Variants in DERA observed in about 807,000 individuals in gnomAD.
DERA encodes 2-deoxy-D-ribose 5-phosphate aldolase.
Under a neutral mutation model 41.1 loss-of-function variants are expected in DERA, and 15 were observed. That is an observed-to-expected ratio of 0.37 (90% CI 0.24 to 0.56). The LOEUF (loss-of-function observed/expected upper bound fraction) is 0.56, where lower values mean the gene tolerates loss of function less well. Among genes scored for constraint, DERA ranks in the 20% least tolerant of loss-of-function variants. The pLI is 0.81. For synonymous variants in DERA, 139 were observed against 137.4 expected (o/e 1.01, Z -0.08); for missense variants, 396 against 403.4 (o/e 0.98, Z 0.16).
chr12:15,950,403 C>T (rs1948488573), intron 1 of DERA, among the ~76,000 whole-genome samples: 2 of 152,158 alleles, frequency 1.3e-5, no homozygotes, highest in Admixed American at 1.3e-4. Context: ...CCAGAGGTCA[C>T]TCTCATAGCC....
intron 1 of DERA, among the ~76,000 whole-genome samples, chr12:15,946,409 T>C (rs1592011574): frequency 6.6e-6 from 1 of 152,326 alleles, no homozygotes; most frequent in Non-Finnish European, 1.5e-5. Context: ...TTTCAGAGCC[T>C]GTTATTGGTC....
chr12:15,993,064 G>A lies in DERA; in HGVS notation c.637+10628G>A, dbSNP rs951281950. Among the ~76,000 whole-genome samples, 10 of 152,222 alleles carry A rather than the reference G, an allele frequency of 6.6e-5. No homozygotes were observed. In the East Asian group the frequency reaches 1.4e-3, roughly 21 times the overall value. On this transcript the variant is annotated intron_variant, in intron 6 of 8. Transcript: ENST00000428559. This position sits in a 1 kb window ranked among gnomAD's most constrained non-coding sequence, Gnocchi z 4.4. ...TTGAACTTGGCTGGAATTTTGCAACGTGTAGAAAATGAAACATGAAAAAGG... is the reference window on the plus strand; with the variant it reads ...TTGAACTTGGCTGGAATTTTGCAACATGTAGAAAATGAAACATGAAAAAGG...
chr12:16,025,037 C>G (rs920656773), intron 6 of DERA, among the ~76,000 whole-genome samples: 3 of 151,894 alleles, frequency 2.0e-5, no homozygotes, highest in Non-Finnish European at 2.9e-5. Context: ...ATATTGAAAA[C>G]TCTAGGGCAG....
intron 5 of DERA, among the ~76,000 whole-genome samples, chr12:15,977,383 C>CT (rs1169103281): frequency 1.7e-4 from 26 of 152,182 alleles, no homozygotes; most frequent in Non-Finnish European, 1.5e-5. Flanking sequence ...GACATGACTC[C>CT]TCCTCTCTGT....
At chr12:15,917,493 T>C (rs1401887092) in intron 1 of DERA, among the ~76,000 whole-genome samples, 1 of 152,206 alleles carries the variant, frequency 6.6e-6, no homozygotes, top group African/African-American at 2.4e-5. Flanking sequence ...TTTTCTAACA[T>C]AATCTCTTTT....
chr12:15,950,911 C>G (rs191669817), intron 1 of DERA, among the ~76,000 whole-genome samples: 1 of 152,282 alleles, frequency 6.6e-6, no homozygotes, highest in East Asian at 1.9e-4. Context: ...TTTGGATAGC[C>G]CTTTGATATT....
In DERA at chr12:15,996,158, T is replaced by TGG. The variant is rs1491199632; in HGVS notation, c.637+13723_637+13724insGG. On this transcript the variant is annotated intron_variant, in intron 6 of 8. Transcript: ENST00000428559. This position sits in a 1 kb window ranked among gnomAD's most constrained non-coding sequence, Gnocchi z 4.7. Reference sequence around the variant, plus strand: ...CAGACACAGACACACACACAGAGCATGTGTGTGTGTGTGTGTGTGTGTGTG... The same window carrying TGG: ...CAGACACAGACACACACACAGAGCATGGGTGTGTGTGTGTGTGTGTGTGTGTG... Among the ~76,000 whole-genome samples the TGG allele has an allele frequency of 4.7e-5, 1 of 21,180 alleles. No individual in the cohort carries two copies. Among genetic ancestry groups the TGG allele is most frequent in the Non-Finnish European group, 8.9e-5 (1 of 11,244 alleles). The allele number at this position is 21,180 out of a possible 152,430, so 13.9% of individuals were successfully genotyped here.
intron 1 of DERA, among the ~76,000 whole-genome samples, chr12:15,952,273 G>A (rs1948503991): frequency 6.6e-6 from 1 of 152,204 alleles, no homozygotes; most frequent in Non-Finnish European, 1.5e-5. Flanking sequence ...ACTGGACATG[G>A]ATCTTGGTGT....
At position 16,011,604 on chromosome 12, in the gene DERA, G is replaced by A. The variant is rs547006075; in HGVS notation, c.638-20938G>A. On this transcript the variant is annotated intron_variant, in intron 6 of 8. Coordinates refer to ENST00000428559, the MANE Select transcript of DERA (RefSeq NM_015954.4). The surrounding 1 kb of genome is among the most constrained non-coding windows in gnomAD (Gnocchi z 4.7). ...AAAGAAAAGAGAATGTGTTAGATAC[G>A]ATTTTGTCATTTTAACATGAGATGA... Among the ~76,000 whole-genome samples the A allele has an allele frequency of 2.6e-5, 4 of 152,222 alleles. No individual in the cohort carries two copies. Among genetic ancestry groups the A allele is most frequent in the East Asian group, 1.9e-4 (1 of 5,178 alleles).
Position 15,979,824 on chromosome 12 carries a change from G to T in DERA, c.509-2484G>T, listed in dbSNP as rs955022379. Among the ~76,000 whole-genome samples, 4 of 152,156 alleles carry T rather than the reference G, an allele frequency of 2.6e-5. 1 individual carries two copies. The highest frequency in any genetic ancestry group is 7.2e-5 in the African/African-American group (3 of 41,434). On this transcript the variant is annotated intron_variant, in intron 5 of 8. Coordinates refer to ENST00000428559, the MANE Select transcript of DERA (RefSeq NM_015954.4). ...GAATCATAAAATACCTCTGGTTTTCGTGGTTAATTTTAACTATACTTCAAG... is the reference window on the plus strand; with the variant it reads ...GAATCATAAAATACCTCTGGTTTTCTTGGTTAATTTTAACTATACTTCAAG...
At chr12:16,025,027 A>G (rs1949043901) in intron 6 of DERA, among the ~76,000 whole-genome samples, 1 of 152,110 alleles carries the variant, frequency 6.6e-6, no homozygotes, top group Non-Finnish European at 1.5e-5. Flanking sequence ...TTAAAAATGT[A>G]TATTGAAAAC....
chr12:15,982,245 C>A lies in DERA; in HGVS notation c.509-63C>A. ...TGAAATGGGTTCCACCAGCTCTAAA[C>A]GGCTGCCAAGTTATGTTATCACTTG... On this transcript the variant is annotated intron_variant, in intron 5 of 8. Transcript: ENST00000428559. This position sits in a 1 kb window ranked among gnomAD's most constrained non-coding sequence, Gnocchi z 4.0. The A allele has an allele frequency of 1.3e-6, 2 of 1,534,368 alleles. No individual in the cohort carries two copies. The highest frequency in any genetic ancestry group is 1.4e-5 in the African/African-American group (1 of 72,244).
chr12:15,951,784 TG>T, intron 1 of DERA, among the ~76,000 whole-genome samples: 1 of 152,370 alleles, frequency 6.6e-6, no homozygotes, highest in East Asian at 1.9e-4. Context: ...GTGTTCTTTT[TG>T]TTTTTATTAA....
intron 1 of DERA, among the ~76,000 whole-genome samples, chr12:15,949,407 C>T (rs1948478376): frequency 6.6e-6 from 1 of 152,164 alleles, no homozygotes; most frequent in African/African-American, 2.4e-5. Flanking sequence ...GGCAGGCACC[C>T]CTCCCCCAGC....
chr12:15,938,460 A>T lies in DERA; in HGVS notation c.32-18476A>T, dbSNP rs964838326. Among the ~76,000 whole-genome samples, 4 of 152,188 alleles carry T rather than the reference A, an allele frequency of 2.6e-5. No homozygotes were observed. The highest frequency in any genetic ancestry group is 1.3e-4 in the Admixed American group (2 of 15,274). On this transcript the variant is annotated intron_variant, in intron 1 of 8. Coordinates refer to ENST00000428559, the MANE Select transcript of DERA (RefSeq NM_015954.4). The surrounding 1 kb of genome is among the most constrained non-coding windows in gnomAD (Gnocchi z 4.1). ...TATTATCTCAGCATTATAAAACAACACAAGTTGAATTATTACTCTGCTTTA... is the reference window on the plus strand; with the variant it reads ...TATTATCTCAGCATTATAAAACAACTCAAGTTGAATTATTACTCTGCTTTA...
intron 6 of DERA, among the ~76,000 whole-genome samples, chr12:16,032,202 G>A (rs1187500934): frequency 6.6e-6 from 1 of 152,112 alleles, no homozygotes; most frequent in East Asian, 1.9e-4. Flanking sequence ...ATGTTACGAT[G>A]TATAATATTA....
chr12:15,956,624 C>G (rs1313685901), intron 1 of DERA: 1 of 410,624 alleles, frequency 2.4e-6, no homozygotes, highest in East Asian at 6.6e-5. Context: ...CACACATTTC[C>G]CACGTCGTTA....
In DERA at chr12:15,965,755, T is replaced by C. The variant is rs968001468; in HGVS notation, c.508+2808T>C. The stretch of plus-strand genomic sequence containing the variant: ...TGTTAGCATATGAACTGCCTCCTAC[T>C]TCTCAGAGAAAATAAAATCATCAGA... On this transcript the variant is annotated intron_variant, in intron 5 of 8. Transcript: ENST00000428559. The surrounding 1 kb of genome is among the most constrained non-coding windows in gnomAD (Gnocchi z 4.1). Among the ~76,000 whole-genome samples the C allele has an allele frequency of 2.0e-5, 3 of 152,188 alleles. No individual in the cohort carries two copies. Among genetic ancestry groups the C allele is most frequent in the African/African-American group, 4.8e-5 (2 of 41,448 alleles).
In DERA at chr12:15,915,812, C is replaced by A. The variant is rs1948194942; in HGVS notation, c.31+4398C>A. On this transcript the variant is annotated intron_variant, in intron 1 of 8. Coordinates refer to ENST00000428559, the MANE Select transcript of DERA (RefSeq NM_015954.4). The surrounding 1 kb of genome is among the most constrained non-coding windows in gnomAD (Gnocchi z 4.8). The stretch of plus-strand genomic sequence containing the variant: ...GCCCTGTGAGGGAGATAGCATGATC[C>A]AGGTTTACACACGAGCAAACTGAGG... Among the ~76,000 whole-genome samples, 1 of 152,138 alleles carries A rather than the reference C, an allele frequency of 6.6e-6. No homozygotes were observed. The highest frequency in any genetic ancestry group is 6.5e-5 in the Admixed American group (1 of 15,272).
Sources: gnomAD v4.1 joint callset for allele counts (sites outside exome capture counted in the v4.1 genomes callset) on GRCh38, gnomAD v4.1.1 for gene constraint, Gnocchi (gnomAD v3.1) non-coding constraint, MANE v1.5 for transcripts, NCBI Gene and HGNC (gene_info 2026-07-23, HGNC 2026-07-21) for gene names.